The following HS3ST3B1 variants were observed in gnomAD, a reference collection of about 807,000 sequenced individuals.
The protein encoded by HS3ST3B1 is heparan sulfate glucosamine 3-O-sulfotransferase 3B1.
In HS3ST3B1, 13 loss-of-function variants were observed where a neutral mutation model predicts 21.3. The observed-to-expected ratio is 0.61, with a 90% CI of 0.40 to 0.97. HS3ST3B1 has a LOEUF of 0.97. Among genes scored for constraint, HS3ST3B1 ranks in the 50% least tolerant of loss-of-function variants. HS3ST3B1 has a pLI of 0.00. For missense variants in HS3ST3B1, 459 were observed against 554.8 expected (o/e 0.83, Z 1.73); for synonymous variants, 234 against 254.8 (o/e 0.92, Z 0.78).
rs1910590070 is a variant in HS3ST3B1, at chr17:14,346,627, C to T, written c.*981C>T. ...TTTTGCAGGATGGCCCTGTGTCCTCCTCTGCCCCATTCCCTGGTTCATTAA... is the reference window on the plus strand; with the variant it reads ...TTTTGCAGGATGGCCCTGTGTCCTCTTCTGCCCCATTCCCTGGTTCATTAA... On this transcript the variant is annotated 3_prime_UTR_variant, in exon 2 of 2. Transcript: ENST00000360954. 1 of 152,342 alleles carries T rather than the reference C, an allele frequency of 6.6e-6. No homozygotes were observed. The highest frequency in any genetic ancestry group is 2.1e-4 in the South Asian group (1 of 4,824). 9.4% of individuals were successfully genotyped at this position (152,342 alleles called of 1,614,324 possible). A position where few individuals can be genotyped will look rare whatever the true frequency, so the allele number is the denominator to read the frequency against.
chr17:14,339,593 GTGTC>G (rs1039428742), intron 1 of HS3ST3B1, among the ~76,000 whole-genome samples: 7 of 152,206 alleles, frequency 4.6e-5, no homozygotes, highest in Non-Finnish European at 1.0e-4. Context: ...TTTAGACTCA[GTGTC>G]TTCATTTGAA....
chr17:14,301,736 A>G lies in HS3ST3B1; in HGVS notation c.218A>G (p.Asp73Gly), dbSNP rs780304509. The change falls in exon 1 of 2, where the codon GAC becomes GGC. Residue 73 changes from aspartate (D) to glycine (G), a missense_variant. This residue lies in a region of HS3ST3B1 where 317 missense variants were observed against 278.6 expected (regional missense o/e 1.14). Transcript: ENST00000360954. ...LLGSGSRAAH[D>G]PPALATAPDG... ...GGCTCTGGGTCCCGCGCCGCACACG[A>G]CCCGCCAGCCCTGGCCACAGCTCCG... The G allele has an allele frequency of 6.3e-7, 1 of 1,595,542 alleles. No individual in the cohort carries two copies. Among genetic ancestry groups the G allele is most frequent in the African/African-American group, 1.3e-5 (1 of 74,284 alleles).
At position 14,311,432 on chromosome 17, in the gene HS3ST3B1, A is replaced by G. The variant is rs1909302602; in HGVS notation, c.554+9360A>G. On this transcript the variant is annotated intron_variant, in intron 1 of 1. Coordinates refer to ENST00000360954, the MANE Select transcript of HS3ST3B1 (RefSeq NM_006041.3). ...TTCACAGCAAAATTTAATAAAGTAC[A>G]CAGATTTCCCAAATACCCATCAGTC... Among the ~76,000 whole-genome samples, 3 of 152,122 alleles carry G rather than the reference A, an allele frequency of 2.0e-5. No individual in the cohort carries two copies. The South Asian group carries it at 6.2e-4, about 32-fold the overall frequency.
intron 1 of HS3ST3B1, among the ~76,000 whole-genome samples, chr17:14,330,058 C>A (rs893576442): frequency 1.3e-5 from 2 of 152,226 alleles, no homozygotes; most frequent in Admixed American, 1.3e-4. Flanking sequence ...AGACGTTGTG[C>A]ACTTGCCTGA....
chr17:14,344,882 A>T, intron 1 of HS3ST3B1, 146 bp from the exon 2 acceptor site: 1 of 1,272,018 alleles, frequency 7.9e-7, no homozygotes, highest in Non-Finnish European at 1.1e-6. Flanking sequence ...TCTACCTTTC[A>T]GCTCTAAAGT....
intron 1 of HS3ST3B1, chr17:14,328,066 G>A (rs1228506581): frequency 6.6e-6 from 1 of 152,182 alleles, no homozygotes; most frequent in Non-Finnish European, 1.5e-5. Context: ...TTCCTTACGG[G>A]TGAAGAATGG....
chr17:14,339,831 T>C (rs796987422), intron 1 of HS3ST3B1, among the ~76,000 whole-genome samples: 22 of 152,292 alleles, frequency 1.4e-4, no homozygotes, highest in African/African-American at 5.1e-4. Flanking sequence ...ACAGATTCCA[T>C]GTGAGGGGGT....
At chr17:14,314,854 G>A (rs977683531) in intron 1 of HS3ST3B1, among the ~76,000 whole-genome samples, 1 of 152,140 alleles carries the variant, frequency 6.6e-6, no homozygotes, top group Non-Finnish European at 1.5e-5. Context: ...AGGTATGTAC[G>A]TTTCACGATT....
At chr17:14,337,861 A>G (rs1910235108) in intron 1 of HS3ST3B1, among the ~76,000 whole-genome samples, 1 of 151,734 alleles carries the variant, frequency 6.6e-6, no homozygotes, top group Admixed American at 6.6e-5. Context: ...CTCTATACCC[A>G]CATAGTATCT....
At chr17:14,317,003 G>A (rs1909521419) in intron 1 of HS3ST3B1, among the ~76,000 whole-genome samples, 1 of 152,218 alleles carries the variant, frequency 6.6e-6, no homozygotes, top group Admixed American at 6.5e-5. Context: ...ACATCTGCAT[G>A]GATCGCCTGC....
At chr17:14,302,353 C>G (rs1908964149) in intron 1 of HS3ST3B1, among the ~76,000 whole-genome samples, 1 of 152,184 alleles carries the variant, frequency 6.6e-6, no homozygotes, top group African/African-American at 2.4e-5. Flanking sequence ...CGACTGAGAC[C>G]GCCCTCAGCA....
At chr17:14,302,955 C>T (rs1465995255) in intron 1 of HS3ST3B1, among the ~76,000 whole-genome samples, 1 of 152,166 alleles carries the variant, frequency 6.6e-6, no homozygotes, top group African/African-American at 2.4e-5. Flanking sequence ...GTCGCGGCTT[C>T]CGGAAATTCT....
rs1909023179 is a variant in HS3ST3B1 at position 14,303,690 on chromosome 17, G to A, written c.554+1618G>A. 1.3e-5 allele frequency among the ~76,000 whole-genome samples: 2 copies of A among 152,160 alleles called. No individual in the cohort carries two copies. Among genetic ancestry groups the A allele is most frequent in the Admixed American group, 1.3e-4 (2 of 15,280 alleles). ...GGTAAGGTGCCTCGCAGGCACGTGA[G>A]GGCCTCTCTAATCGTTAGCTATTGT... is the stretch of plus-strand genomic sequence containing the variant. On this transcript the variant is annotated intron_variant, in intron 1 of 1. Coordinates refer to ENST00000360954, the MANE Select transcript of HS3ST3B1 (RefSeq NM_006041.3). The surrounding 1 kb of genome is among the most constrained non-coding windows in gnomAD (Gnocchi z 5.7).
intron 1 of HS3ST3B1, among the ~76,000 whole-genome samples, chr17:14,325,719 G>A (rs575205920): frequency 6.2e-4 from 95 of 152,202 alleles, no homozygotes; most frequent in Middle Eastern, 3.4e-3. Context: ...TAGTAGGCTC[G>A]CGGAGTTTAT....
chr17:14,332,370 G>T (rs1002663023), intron 1 of HS3ST3B1, among the ~76,000 whole-genome samples: 1 of 151,826 alleles, frequency 6.6e-6, no homozygotes, highest in African/African-American at 2.4e-5. Context: ...GCTTTAACAC[G>T]TTGGTCTGAA....
rs1442399843 is a variant in HS3ST3B1, at chr17:14,349,247, A to G, written c.*3601A>G. ...TAGCAGTATGTCTTCGATAACTTGG[A>G]TGTTAGGATAGCCAATATGTACAAA... On this transcript the variant is annotated 3_prime_UTR_variant, in exon 2 of 2. Transcript: ENST00000360954. 6.6e-6 allele frequency: 1 copy of G among 152,216 alleles called. No homozygotes were observed. The highest frequency in any genetic ancestry group is 1.9e-4 in the East Asian group (1 of 5,202). 9.4% of individuals were successfully genotyped at this position (152,216 alleles called of 1,614,324 possible). A position where few individuals can be genotyped will look rare whatever the true frequency, so the allele number is the denominator to read the frequency against.
chr17:14,342,580 T>G (rs1263250522), intron 1 of HS3ST3B1, among the ~76,000 whole-genome samples: 1 of 152,228 alleles, frequency 6.6e-6, no homozygotes. Flanking sequence ...CTGATATTTG[T>G]TAAGTATATT....
intron 1 of HS3ST3B1, among the ~76,000 whole-genome samples, chr17:14,311,201 A>G (rs544600135): frequency 6.7e-6 from 1 of 148,170 alleles, no homozygotes; most frequent in Admixed American, 6.8e-5. Context: ...CCCGTGTAGC[A>G]GGGACTACAG....
intron 1 of HS3ST3B1, among the ~76,000 whole-genome samples, chr17:14,308,560 G>A (rs1008038600): frequency 2.0e-5 from 3 of 152,126 alleles, no homozygotes; most frequent in South Asian, 4.1e-4. Context: ...TTATGAGTGC[G>A]TATCTTTAGA....
Sources: allele counts gnomAD v4.1 joint callset (sites outside exome capture counted in the v4.1 genomes callset), GRCh38; gene constraint gnomAD v4.1.1; regional missense constraint gnomAD v4.1.1; non-coding constraint Gnocchi (gnomAD v3.1); transcripts MANE v1.5; gene names NCBI Gene and HGNC (gene_info 2026-07-23, HGNC 2026-07-21).